SLC8A1: variants seen among roughly 807,000 people sequenced by gnomAD.
The protein encoded by SLC8A1 is solute carrier family 8 member A1.
Under a neutral mutation model 68.3 loss-of-function variants are expected in SLC8A1, and 18 were observed. That is an observed-to-expected ratio of 0.26 (90% CI 0.18 to 0.39). SLC8A1 has a LOEUF of 0.39. Among genes scored for constraint, SLC8A1 ranks in the 10% least tolerant of loss-of-function variants. The pLI, the probability that SLC8A1 is intolerant of heterozygous loss-of-function variation, is 1.00. For missense variants in SLC8A1, 985 were observed against 1,156.7 expected, an observed-to-expected ratio of 0.85 and a Z score of 2.15; for synonymous variants, 475 against 415.5, an observed-to-expected ratio of 1.14 and a Z score of -1.74.
chr2:40,286,972 T>C (rs1349477652), intron 2 of SLC8A1, among the ~76,000 whole-genome samples: 3 of 152,190 alleles, frequency 2.0e-5, no homozygotes, highest in African/African-American at 4.8e-5. Context: ...ATTTGAGACA[T>C]GGAGTTAGGC....
At chr2:40,247,820 T>C (rs534726682) in intron 2 of SLC8A1, among the ~76,000 whole-genome samples, 1 of 152,194 alleles carries the variant, frequency 6.6e-6, no homozygotes, top group Non-Finnish European at 1.5e-5. Flanking sequence ...AGAAGTTAAG[T>C]GACTTTCTGA....
chr2:40,414,733 T>C (rs1421497374), intron 2 of SLC8A1, among the ~76,000 whole-genome samples: 8 of 152,332 alleles, frequency 5.3e-5, no homozygotes, highest in Middle Eastern at 3.4e-3. Flanking sequence ...TAATTTGCCA[T>C]ACATTTATGA....
At chr2:40,226,733 G>A (rs1419494826) in intron 2 of SLC8A1, among the ~76,000 whole-genome samples, 1 of 152,126 alleles carries the variant, frequency 6.6e-6, no homozygotes, top group African/African-American at 2.4e-5. Flanking sequence ...CATAAGAGAA[G>A]CAAATGCAGG....
At chr2:40,472,540 T>G (rs779247297) in intron 1 of SLC8A1, among the ~76,000 whole-genome samples, 3 of 151,902 alleles carry the variant, frequency 2.0e-5, no homozygotes, top group African/African-American at 4.8e-5. Flanking sequence ...TAAAAAATAT[T>G]TTTTTTTAGA....
chr2:40,143,065 C>T (rs2041879000), intron 6 of SLC8A1, among the ~76,000 whole-genome samples: 1 of 151,962 alleles, frequency 6.6e-6, no homozygotes, highest in South Asian at 2.1e-4. Context: ...AATGGGAGGC[C>T]CATCTGCTTT....
rs193243106 is a variant in SLC8A1, at chr2:40,385,133, T to G, written c.1808+43340A>C. On this transcript the variant is annotated intron_variant, in intron 2 of 7. Transcript: ENST00000406785. ...TTTTGATCCTGTAGTGATGAAAAGTTAATTGCAAATAGTACGGTCATTAAT... is the reference window on the plus strand; with the variant it reads ...TTTTGATCCTGTAGTGATGAAAAGTGAATTGCAAATAGTACGGTCATTAAT... Among the ~76,000 whole-genome samples, 451 of 152,216 alleles carry G rather than the reference T, an allele frequency of 3.0e-3. 1 individual carries two copies. Among genetic ancestry groups the G allele is most frequent in the African/African-American group, 0.011 (440 of 41,564 alleles).
In SLC8A1 at chr2:40,233,378, G is replaced by A. The variant is rs896747689; in HGVS notation, c.1809-55523C>T. On this transcript the variant is annotated intron_variant, in intron 2 of 7. Coordinates refer to ENST00000406785, the Ensembl canonical transcript of SLC8A1. ...TGAGCATTTTTTCATGTGTTTTTTG[G>A]CTGCATAAATGTCTTCTTTTGAGAA... Among the ~76,000 whole-genome samples the A allele has an allele frequency of 3.3e-5, 5 of 151,622 alleles. No individual in the cohort carries two copies. The South Asian group carries it at 1.0e-3, about 32-fold the overall frequency.
At chr2:40,250,262 G>C (rs905935566) in intron 2 of SLC8A1, 1 of 152,126 alleles carries the variant, frequency 6.6e-6, no homozygotes, top group African/African-American at 2.4e-5. Context: ...TCTTGCTCTG[G>C]ACAACAGACA....
rs553626147 is a variant in SLC8A1 at position 40,119,323 on chromosome 2, C to G, written c.2438-3694G>C. ...CTTTTGTCTGTTTTTATTTTCAATTCAAAAGCAATGTAAAAAAAAAAAAAA... is the reference window on the plus strand; with the variant it reads ...CTTTTGTCTGTTTTTATTTTCAATTGAAAAGCAATGTAAAAAAAAAAAAAA... On this transcript the variant is annotated intron_variant, in intron 7 of 7. Transcript: ENST00000406785. 9.4e-5 allele frequency among the ~76,000 whole-genome samples: 9 copies of G among 95,980 alleles called. No homozygotes were observed. In the East Asian group the frequency reaches 3.5e-3, roughly 37 times the overall value. 63.0% of individuals were successfully genotyped at this position (95,980 alleles called of 152,430 possible). A position where few individuals can be genotyped will look rare whatever the true frequency, so the allele number is the denominator to read the frequency against.
At chr2:40,414,612 TTTAA>T (rs1342353273) in intron 2 of SLC8A1, among the ~76,000 whole-genome samples, 1 of 152,232 alleles carries the variant, frequency 6.6e-6, no homozygotes, top group Non-Finnish European at 1.5e-5. Flanking sequence ...TATTAAATTC[TTTAA>T]TTAAGTCATG....
At chr2:40,206,450 G>C (rs1181670892) in intron 2 of SLC8A1, among the ~76,000 whole-genome samples, 2 of 152,020 alleles carry the variant, frequency 1.3e-5, no homozygotes, top group African/African-American at 4.8e-5. Flanking sequence ...CTTATTAAAT[G>C]AAAGTTTTCA....
chr2:40,115,599 T>A, exon 8 of SLC8A1: 1 of 1,611,134 alleles, frequency 6.2e-7, no homozygotes, highest in South Asian at 1.1e-5. Context: ...ATACTGGTCC[T>A]GGGTGGCTGC....
At chr2:40,371,361 A>C (rs988682791) in intron 2 of SLC8A1, among the ~76,000 whole-genome samples, 1 of 152,036 alleles carries the variant, frequency 6.6e-6, no homozygotes, top group Non-Finnish European at 1.5e-5. Flanking sequence ...GGGGGAGAAA[A>C]TGGTGTTAGG....
chr2:40,169,012 T>C (rs1437996159), intron 4 of SLC8A1, among the ~76,000 whole-genome samples: 4 of 152,136 alleles, frequency 2.6e-5, no homozygotes, highest in Non-Finnish European at 4.4e-5. Flanking sequence ...TTCTCCTGAG[T>C]AATTGATTTT....
At chr2:40,191,817 C>T (rs62148766) in intron 2 of SLC8A1, among the ~76,000 whole-genome samples, 5,390 of 152,124 alleles carry the variant, frequency 0.035, 193 homozygotes, top group African/African-American at 0.095. Flanking sequence ...CTCAAAAAAG[C>T]GAATCTTCAC....
exon 8 of SLC8A1, chr2:40,110,382 A>C (rs1397826162): frequency 1.3e-5 from 2 of 152,232 alleles, no homozygotes; most frequent in Non-Finnish European, 2.9e-5. Flanking sequence ...TGGTGAGTAC[A>C]TAATGGTAAA....
chr2:40,435,959 T>C (rs967500901), intron 1 of SLC8A1, among the ~76,000 whole-genome samples: 5 of 149,518 alleles, frequency 3.3e-5, no homozygotes, highest in African/African-American at 1.2e-4. Flanking sequence ...TTTTTTTTTT[T>C]GTATTTTTAG....
intron 2 of SLC8A1, among the ~76,000 whole-genome samples, chr2:40,319,168 C>A (rs959708352): frequency 2.6e-5 from 4 of 152,140 alleles, no homozygotes; most frequent in Admixed American, 6.6e-5. Flanking sequence ...GAAATCCAAG[C>A]GATGGATTGT....
At chr2:40,488,353 T>C (rs968334638) in intron 1 of SLC8A1, among the ~76,000 whole-genome samples, 1 of 151,932 alleles carries the variant, frequency 6.6e-6, no homozygotes, top group Non-Finnish European at 1.5e-5. Flanking sequence ...TGCCATAGAA[T>C]TTGGGAGATT....
Sources: gnomAD v4.1 joint callset for allele counts (sites outside exome capture counted in the v4.1 genomes callset) on GRCh38, gnomAD v4.1.1 for gene constraint, MANE v1.5 for transcripts, NCBI Gene and HGNC (gene_info 2026-07-23, HGNC 2026-07-21) for gene names.